The following NME1 variants were observed in gnomAD, a reference collection of about 807,000 sequenced individuals.
NME1 encodes nucleoside diphosphate kinase A.
NME1 carries 9 observed loss-of-function variants against 17.2 expected under a neutral mutation model. That is an observed-to-expected ratio of 0.52 (90% CI 0.32 to 0.92). The LOEUF (loss-of-function observed/expected upper bound fraction) is 0.92. Among genes scored for constraint, NME1 ranks in the 40% least tolerant of loss-of-function variants. The pLI is 0.04. For missense variants in NME1, 169 were observed against 201.7 expected (o/e 0.84, Z 0.98); for synonymous variants, 72 against 70.8 (o/e 1.02, Z -0.09).
chr17:51,160,407 T>C, intron 3 of NME1: 1 of 401,064 alleles, frequency 2.5e-6, no homozygotes, highest in South Asian at 2.1e-5. Context: ...GCAAACAGCA[T>C]GTGCAAAGGT....
chr17:51,159,919 A>G (rs2049840392), intron 2 of NME1, 61 bp from the exon 3 acceptor site: 4 of 1,598,926 alleles, frequency 2.5e-6, no homozygotes, highest in Non-Finnish European at 3.4e-6. Flanking sequence ...GGGGAAATTA[A>G]ATGGATTATA....
intron 2 of NME1, chr17:51,156,399 C>T (rs572092716): frequency 6.8e-5 from 11 of 162,196 alleles, no homozygotes; most frequent in South Asian, 3.3e-4. Flanking sequence ...TCCAAATTCT[C>T]GGCTGGGTGA....
rs773501249 is a variant in NME1 at position 51,161,850 on chromosome 17, A to T, written c.*5A>T. On this transcript the variant is annotated 3_prime_UTR_variant, in exon 5 of 5. Transcript: ENST00000393196. ...CAGAACTGGATCTATGAATGACAGG[A>T]GGGCAGACCACATTGCTTTTCACAT... The T allele has an allele frequency of 5.1e-6, 8 of 1,569,082 alleles. No individual in the cohort carries two copies. Among genetic ancestry groups the T allele is most frequent in the Non-Finnish European group, 7.0e-6 (8 of 1,139,246 alleles).
chr17:51,156,244 G>A (rs866195959), intron 2 of NME1: 2 of 214,894 alleles, frequency 9.3e-6, no homozygotes, highest in Middle Eastern at 2.1e-3. Context: ...AGCTGGTGGA[G>A]GAAAACTATG....
rs1459662873 is a variant in NME1, at chr17:51,162,105, A to G, written c.*260A>G. The G allele has an allele frequency of 2.3e-6, 1 of 435,528 alleles. No homozygotes were observed. Among genetic ancestry groups the G allele is most frequent in the South Asian group, 2.3e-5 (1 of 43,678 alleles). The allele number at this position is 435,528 out of a possible 1,614,324, so 27.0% of individuals were successfully genotyped here. On this transcript the variant is annotated 3_prime_UTR_variant, in exon 5 of 5. Transcript: ENST00000393196. ...TTTTCCTTCTTTTCATGTACACTGA[A>G]TAACCTGACCTAATAGAGAGTGTAA...
chr17:51,154,457 C>T (rs1201226397), intron 1 of NME1: 4 of 1,612,142 alleles, frequency 2.5e-6, no homozygotes, highest in South Asian at 2.2e-5. Flanking sequence ...AGGTCATGAG[C>T]GCAGTCTTCT....
At chr17:51,156,298 T>G (rs2144860201) in intron 2 of NME1, 1 of 196,298 alleles carries the variant, frequency 5.1e-6, no homozygotes, top group Admixed American at 5.4e-5. Context: ...AGAGAGCAGA[T>G]GTACCTGCAA....
At chr17:51,161,695 C>A in intron 4 of NME1, 33 bp from the exon 5 acceptor site, 1 of 1,504,620 alleles carries the variant, frequency 6.6e-7, no homozygotes, top group South Asian at 1.1e-5. Context: ...TCCTTCTGGT[C>A]TTGGTCATGT....
At chr17:51,161,502 C>A in intron 4 of NME1, 1 of 664,708 alleles carries the variant, frequency 1.5e-6, no homozygotes, top group South Asian at 1.8e-5. Context: ...GCTGGCCAGT[C>A]TTTCCTGAAG....
In NME1 at chr17:51,161,884, C is replaced by T. The variant is rs761393177; in HGVS notation, c.*39C>T. 3 of 1,306,938 alleles carry T rather than the reference C, an allele frequency of 2.3e-6. No homozygotes were observed. Among genetic ancestry groups the T allele is most frequent in the Non-Finnish European group, 3.3e-6 (3 of 900,820 alleles). The allele number at this position is 1,306,938 out of a possible 1,614,324, so 81.0% of individuals were successfully genotyped here. A position where few individuals can be genotyped will look rare whatever the true frequency, so the allele number is the denominator to read the frequency against. ...CACATTGCTTTTCACATCCATTTCCCCTCCTTCCCATGGGCAGAGGACCAG... is the reference window on the plus strand; with the variant it reads ...CACATTGCTTTTCACATCCATTTCCTCTCCTTCCCATGGGCAGAGGACCAG... On this transcript the variant is annotated 3_prime_UTR_variant, in exon 5 of 5. Coordinates refer to ENST00000393196, the MANE Select transcript of NME1 (RefSeq NM_000269.3).
intron 2 of NME1, among the ~76,000 whole-genome samples, chr17:51,157,784 C>A (rs572214922): frequency 6.6e-6 from 1 of 152,106 alleles, no homozygotes; most frequent in East Asian, 1.9e-4. Context: ...TCTCTCTGAC[C>A]CCTGAGTGCA....
chr17:51,159,881 C>T, intron 2 of NME1, 99 bp from the exon 3 acceptor site: 2 of 1,425,228 alleles, frequency 1.4e-6, no homozygotes, highest in Non-Finnish European at 2.0e-6. Context: ...AGCCCAACCG[C>T]TCATGTTTTA....
chr17:51,154,886 C>T (rs1391241257), intron 1 of NME1, among the ~76,000 whole-genome samples: 1 of 152,174 alleles, frequency 6.6e-6, no homozygotes. Context: ...TTTTAACATC[C>T]TGTATCCTAG....
chr17:51,154,324 AGATGCTG>A, intron 1 of NME1: 4 of 1,558,524 alleles, frequency 2.6e-6, no homozygotes, highest in Non-Finnish European at 3.5e-6. Flanking sequence ...TACAGTGCTA[AGATGCTG>A]TAAGAAGAGG....
At chr17:51,157,132 AT>A (rs1356032867) in intron 2 of NME1, among the ~76,000 whole-genome samples, 4 of 151,998 alleles carry the variant, frequency 2.6e-5, no homozygotes, top group Non-Finnish European at 5.9e-5. Flanking sequence ...TTCCTATGTG[AT>A]ATTTTAGAAA....
At chr17:51,154,121 G>T (rs2049747771) in intron 1 of NME1, 1 of 501,196 alleles carries the variant, frequency 2.0e-6, no homozygotes, top group South Asian at 2.2e-5. Context: ...GCACCCCATC[G>T]TGCGATTCTC....
At chr17:51,155,939 C>A in intron 2 of NME1, 159 bp downstream of exon 2, 1 of 1,195,912 alleles carries the variant, frequency 8.4e-7, no homozygotes, top group Non-Finnish European at 1.2e-6. Flanking sequence ...TAGCGTTTGG[C>A]TACATCTTGG....
intron 1 of NME1, chr17:51,154,501 TC>T (rs2049756428): frequency 6.9e-7 from 1 of 1,448,374 alleles, no homozygotes; most frequent in Non-Finnish European, 9.7e-7. Context: ...ATAGTTACTC[TC>T]TAGGCTTCCT....
At chr17:51,160,110 G>A in intron 3 of NME1, 29 bp downstream of exon 3, 1 of 1,610,424 alleles carries the variant, frequency 6.2e-7, no homozygotes, top group Non-Finnish European at 8.5e-7. Context: ...GATACTCCAA[G>A]TATGCATTGC....
Sources: gnomAD v4.1 joint callset for allele counts (sites outside exome capture counted in the v4.1 genomes callset) on GRCh38, gnomAD v4.1.1 for gene constraint, MANE v1.5 for transcripts, NCBI Gene and HGNC (gene_info 2026-07-23, HGNC 2026-07-21) for gene names.